PSMB2: variants seen among roughly 807,000 people sequenced by gnomAD.
PSMB2 encodes the protein proteasome subunit beta type-2.
In PSMB2, 13 loss-of-function variants were observed where a neutral mutation model predicts 25.7. The observed-to-expected ratio is 0.51, with a 90% CI of 0.33 to 0.80. PSMB2 has a LOEUF of 0.80. Ranked by LOEUF, PSMB2 falls within the 30% of genes least tolerant of loss-of-function variation. PSMB2 has a pLI of 0.02. For synonymous variants in PSMB2, 87 were observed against 96.2 expected (o/e 0.90, Z 0.56); for missense variants, 202 against 259.0 (o/e 0.78, Z 1.51).
chr1:35,611,352 G>T (rs947889472), intron 3 of PSMB2, among the ~76,000 whole-genome samples: 1 of 151,994 alleles, frequency 6.6e-6, no homozygotes, highest in Non-Finnish European at 1.5e-5. Flanking sequence ...GGGAGGGGTT[G>T]GGAGGGGAGT....
At chr1:35,631,133 A>AACTCCAATT in intron 3 of PSMB2, 141 bp downstream of exon 3, 1 of 723,338 alleles carries the variant, frequency 1.4e-6, no homozygotes, top group Non-Finnish European at 2.4e-6. Flanking sequence ...AAGACATTGG[A>AACTCCAATT]CTTAAGAATG....
chr1:35,641,258 C>A, intron 1 of PSMB2, 84 bp downstream of exon 1: 1 of 1,545,234 alleles, frequency 6.5e-7, no homozygotes. Flanking sequence ...CAGATCCTCC[C>A]TGGTACTTAT....
rs1386362552 is a variant in PSMB2 at position 35,602,133 on chromosome 1, C to G, written c.*1134G>C. ...ACTGCTTGAGCCCAGGAGTTCAAGA[C>G]CAACCTGAATGACATGGTGAGACCC... On this transcript the variant is annotated 3_prime_UTR_variant, in exon 6 of 6. Transcript: ENST00000373237. 6.0e-6 allele frequency: 1 copy of G among 167,808 alleles called. No homozygotes were observed. The highest frequency in any genetic ancestry group is 1.9e-4 in the East Asian group (1 of 5,266). 10.4% of individuals were successfully genotyped at this position (167,808 alleles called of 1,614,324 possible).
In PSMB2 at chr1:35,601,898, G is replaced by A; in HGVS notation, c.*1369C>T. 1.0e-6 allele frequency: 1 copy of A among 985,408 alleles called. No individual in the cohort carries two copies. Among genetic ancestry groups the A allele is most frequent in the Non-Finnish European group, 1.2e-6 (1 of 829,912 alleles). The allele number at this position is 985,408 out of a possible 1,614,324, so 61.0% of individuals were successfully genotyped here. On this transcript the variant is annotated 3_prime_UTR_variant, in exon 6 of 6. Coordinates refer to ENST00000373237, the MANE Select transcript of PSMB2 (RefSeq NM_002794.5). ...CCTAAAGTTATGCTAAGAGTAAAAC[G>A]AGTAACTGGTTAACTGCCCATGATA... is the stretch of plus-strand genomic sequence containing the variant.
At chr1:35,635,743 C>T (rs1557459709) in intron 2 of PSMB2, among the ~76,000 whole-genome samples, 1 of 148,278 alleles carries the variant, frequency 6.7e-6, no homozygotes, top group East Asian at 2.0e-4. Flanking sequence ...ACAGGAGAAT[C>T]GCTTGAACCT....
At chr1:35,627,258 C>CAAAAAAA (rs772688881) in intron 3 of PSMB2, among the ~76,000 whole-genome samples, 3 of 36,462 alleles carry the variant, frequency 8.2e-5, no homozygotes, top group Non-Finnish European at 1.9e-4. Flanking sequence ...GACCCTATCT[C>CAAAAAAA]AAAAAAAAAA....
At chr1:35,609,123 T>C in intron 4 of PSMB2, 123 bp downstream of exon 4, 5 of 959,612 alleles carry the variant, frequency 5.2e-6, no homozygotes, top group Non-Finnish European at 7.1e-6. Context: ...GGGAACCTGG[T>C]TATGCTTCTT....
At chr1:35,640,169 T>G (rs981654429) in intron 1 of PSMB2, among the ~76,000 whole-genome samples, 17 of 152,166 alleles carry the variant, frequency 1.1e-4, no homozygotes, top group Admixed American at 6.5e-5. Context: ...GAATCTAAGT[T>G]TGTTTTCCTT....
chr1:35,632,100 A>T (rs1651122650), intron 2 of PSMB2, among the ~76,000 whole-genome samples: 1 of 152,196 alleles, frequency 6.6e-6, no homozygotes, highest in Non-Finnish European at 1.5e-5. Context: ...ATAGTTTATT[A>T]AAAAAATATT....
rs1650026650 is a variant in PSMB2 at position 35,602,323 on chromosome 1, C to T, written c.*944G>A. On this transcript the variant is annotated 3_prime_UTR_variant, in exon 6 of 6. Transcript: ENST00000373237. ...CTCCAGCCTGGGCTAGAGTGAGACC[C>T]TGTCTCTAAATAAATAAATAAATCT... 1 of 152,138 alleles carries T rather than the reference C, an allele frequency of 6.6e-6. No homozygotes were observed. The highest frequency in any genetic ancestry group is 1.5e-5 in the Non-Finnish European group (1 of 68,042). The allele number at this position is 152,138 out of a possible 1,614,324, so 9.4% of individuals were successfully genotyped here.
intron 1 of PSMB2, among the ~76,000 whole-genome samples, chr1:35,640,060 A>ATACTATACCATAC (rs371010677): frequency 8.8e-5 from 13 of 147,246 alleles, no homozygotes; most frequent in Non-Finnish European, 1.5e-5. Flanking sequence ...AAGTACTATA[A>ATACTATACCATAC]TATACTATAC....
chr1:35,619,554 C>T lies in PSMB2; in HGVS notation c.286-10146G>A, dbSNP rs893550175. Reference sequence around the variant, plus strand: ...TCGTGTTAAAGTTCCTGGAAGAAGACTTGCTAAGTAGTAGGTGCCCAATAA... The same window carrying T: ...TCGTGTTAAAGTTCCTGGAAGAAGATTTGCTAAGTAGTAGGTGCCCAATAA... On this transcript the variant is annotated intron_variant, in intron 3 of 5. Coordinates refer to ENST00000373237, the MANE Select transcript of PSMB2 (RefSeq NM_002794.5). 8.5e-5 allele frequency among the ~76,000 whole-genome samples: 13 copies of T among 152,268 alleles called. No homozygotes were observed. In the East Asian group the frequency reaches 1.3e-3, roughly 16 times the overall value.
At chr1:35,625,760 T>A (rs1169906883) in intron 3 of PSMB2, among the ~76,000 whole-genome samples, 2 of 144,470 alleles carry the variant, frequency 1.4e-5, no homozygotes, top group African/African-American at 5.3e-5. Context: ...AGACTCCGTC[T>A]CAAAAAAAAA....
intron 5 of PSMB2, among the ~76,000 whole-genome samples, chr1:35,604,792 T>C (rs924971687): frequency 6.6e-6 from 1 of 151,872 alleles, no homozygotes; most frequent in African/African-American, 2.4e-5. Flanking sequence ...AATAAAAAAA[T>C]AAAGTCTAGA....
chr1:35,618,582 G>T (rs1330446954), intron 3 of PSMB2, among the ~76,000 whole-genome samples: 1 of 152,116 alleles, frequency 6.6e-6, no homozygotes, highest in Non-Finnish European at 1.5e-5. Context: ...TAAACGCTGA[G>T]TTTAACTGGA....
At chr1:35,627,738 T>A (rs1317772582) in intron 3 of PSMB2, among the ~76,000 whole-genome samples, 2 of 152,230 alleles carry the variant, frequency 1.3e-5, no homozygotes, top group Non-Finnish European at 2.9e-5. Flanking sequence ...AAGCTTAGAA[T>A]TTGTCCAAAG....
chr1:35,604,129 T>C (rs1650090664), intron 5 of PSMB2, among the ~76,000 whole-genome samples: 1 of 152,048 alleles, frequency 6.6e-6, no homozygotes, highest in Admixed American at 6.5e-5. Context: ...GCTCCTGCTC[T>C]TATCTTCCTA....
rs752754425 is a variant in PSMB2, at chr1:35,631,313, G to T, written c.246C>A (p.Asn82Lys). 6.2e-7 allele frequency: 1 copy of T among 1,614,092 alleles called. No homozygotes were observed. The highest frequency in any genetic ancestry group is 8.5e-7 in the Non-Finnish European group (1 of 1,180,034). ...GYELSPTAAANFTRRNLADCL... is the reference protein window; with the variant it reads ...GYELSPTAAAKFTRRNLADCL... ...AGTCAGCCAGGTTTCGGCGTGTGAA[G>T]TTAGCTGCTGCCGTGGGAGACAATT... The change falls in exon 3 of 6, where the codon AAC becomes AAA. Residue 82 changes from asparagine to lysine, a missense_variant. Coordinates refer to ENST00000373237, the MANE Select transcript of PSMB2 (RefSeq NM_002794.5).
chr1:35,638,989 C>T (rs141182540), intron 1 of PSMB2, among the ~76,000 whole-genome samples: 1,661 of 152,302 alleles, frequency 0.011, 40 homozygotes, highest in African/African-American at 0.038. Context: ...CACGGTGGCT[C>T]ACGCCTGTAA....
Sources: gnomAD v4.1 joint callset for allele counts (sites outside exome capture counted in the v4.1 genomes callset) on GRCh38, gnomAD v4.1.1 for gene constraint, MANE v1.5 for transcripts, NCBI Gene and HGNC (gene_info 2026-07-23, HGNC 2026-07-21) for gene names.